CTNNA3: variants seen among roughly 807,000 people sequenced by gnomAD.
CTNNA3 encodes the protein catenin alpha 3.
In CTNNA3, 76 loss-of-function variants were observed where a neutral mutation model predicts 95.7. That is an observed-to-expected ratio of 0.79 (90% CI 0.66 to 0.96). CTNNA3 has a LOEUF of 0.96. Ranked by LOEUF, CTNNA3 falls within the 40% of genes least tolerant of loss-of-function variation. The pLI is 0.00. For synonymous variants in CTNNA3, 431 were observed against 374.4 expected (o/e 1.15, Z -1.74); for missense variants, 1,191 against 1,089.8 (o/e 1.09, Z -1.31).
intron 7 of CTNNA3, among the ~76,000 whole-genome samples, chr10:66,932,154 C>A (rs1847437614): frequency 6.6e-6 from 1 of 152,112 alleles, no homozygotes; most frequent in South Asian, 2.1e-4. Flanking sequence ...ATTAGGCTCT[C>A]TGACAATGAT....
intron 5 of CTNNA3, among the ~76,000 whole-genome samples, chr10:67,406,290 A>G (rs1845136515): frequency 6.6e-6 from 1 of 152,182 alleles, no homozygotes. Flanking sequence ...TTAATACCCC[A>G]CAAAATTACA....
Position 66,315,506 on chromosome 10 carries a change from TTGTGTGTGTG to T in CTNNA3, c.1733-34895_1733-34886del, listed in dbSNP as rs58802869. On this transcript the variant is annotated intron_variant, in intron 12 of 17. Coordinates refer to ENST00000433211, the MANE Select transcript of CTNNA3 (RefSeq NM_013266.4). The stretch of plus-strand genomic sequence containing the variant: ...AGGGGCTCTAAAAATCTGACTTCTC[TTGTGTGTGTG>T]TGTGTGTGTGTGTGTAAATAAGTGC... 3.2e-3 allele frequency among the ~76,000 whole-genome samples: 485 copies of T among 149,794 alleles called. 2 individuals are homozygous for T. Among genetic ancestry groups the T allele is most frequent in the African/African-American group, 0.011 (467 of 40,900 alleles).
At chr10:67,145,869 T>C (rs909175675) in intron 7 of CTNNA3, among the ~76,000 whole-genome samples, 3 of 152,230 alleles carry the variant, frequency 2.0e-5, no homozygotes, top group African/African-American at 7.2e-5. Context: ...ATCTCTAATA[T>C]TTATTTGCAG....
At chr10:66,844,894 T>G (rs898128408) in intron 7 of CTNNA3, among the ~76,000 whole-genome samples, 1 of 152,162 alleles carries the variant, frequency 6.6e-6, no homozygotes, top group South Asian at 2.1e-4. Flanking sequence ...CTAATTGATA[T>G]ATTTCATTTA....
intron 15 of CTNNA3, among the ~76,000 whole-genome samples, chr10:66,048,624 G>A (rs2079881337): frequency 6.6e-6 from 1 of 152,132 alleles, no homozygotes; most frequent in Non-Finnish European, 1.5e-5. Context: ...AGCCAGGCGT[G>A]CTGGTGGGTG....
intron 15 of CTNNA3, among the ~76,000 whole-genome samples, chr10:66,057,532 G>A (rs1225816247): frequency 2.0e-5 from 3 of 152,072 alleles, no homozygotes; most frequent in African/African-American, 4.8e-5. Flanking sequence ...TCATGTAAAA[G>A]TAACTGACAG....
Position 66,866,417 on chromosome 10 carries a change from T to A in CTNNA3, c.1048-90893A>T, listed in dbSNP as rs1299713324. On this transcript the variant is annotated intron_variant, in intron 7 of 17. Coordinates refer to ENST00000433211, the MANE Select transcript of CTNNA3 (RefSeq NM_013266.4). ...TACGCATCATCATAATTGCTCAACA[T>A]CTAGCTTTTTGGAGGCTTTTATTTT... 3.9e-5 allele frequency among the ~76,000 whole-genome samples: 6 copies of A among 152,354 alleles called. No individual in the cohort carries two copies. The East Asian group carries it at 7.7e-4, about 20-fold the overall frequency.
At chr10:66,813,973 A>G (rs1307306636) in intron 7 of CTNNA3, among the ~76,000 whole-genome samples, 1 of 152,114 alleles carries the variant, frequency 6.6e-6, no homozygotes, top group East Asian at 1.9e-4. Flanking sequence ...CGGCAGTGAC[A>G]TTGGAGACAA....
intron 1 of CTNNA3, among the ~76,000 whole-genome samples, chr10:67,652,786 TAA>T (rs1839914669): frequency 6.6e-6 from 1 of 152,236 alleles, no homozygotes; most frequent in Admixed American, 6.5e-5. Context: ...AGATGTATCA[TAA>T]GTCATCTATT....
At chr10:65,970,280 C>A (rs1221500471) in intron 16 of CTNNA3, among the ~76,000 whole-genome samples, 1 of 152,016 alleles carries the variant, frequency 6.6e-6, no homozygotes, top group Non-Finnish European at 1.5e-5. Flanking sequence ...TAAGAGAATT[C>A]TAAACATGGG....
intron 9 of CTNNA3, among the ~76,000 whole-genome samples, chr10:66,683,652 G>T (rs541448724): frequency 1.5e-5 from 2 of 132,892 alleles, no homozygotes; most frequent in South Asian, 4.8e-4. Context: ...AATGCTCAAA[G>T]CTTTAATACT....
At chr10:66,733,119 T>C (rs1033232946) in intron 9 of CTNNA3, among the ~76,000 whole-genome samples, 1 of 152,122 alleles carries the variant, frequency 6.6e-6, no homozygotes, top group Non-Finnish European at 1.5e-5. Context: ...TTAAAATATA[T>C]TCTCCTTTAT....
At chr10:66,331,931 T>C (rs1478760394) in intron 12 of CTNNA3, among the ~76,000 whole-genome samples, 1 of 152,092 alleles carries the variant, frequency 6.6e-6, no homozygotes, top group African/African-American at 2.4e-5. Flanking sequence ...TTCCTACCCA[T>C]GAGCATGGAA....
In CTNNA3 at chr10:66,920,325, G is replaced by C. The variant is rs558580765; in HGVS notation, c.1048-144801C>G. Reference sequence around the variant, plus strand: ...GCAGATGAGCAAACTGAGACCCAAAGAAGTTTGCACAGAATCAGTTCCAAA... The same window carrying C: ...GCAGATGAGCAAACTGAGACCCAAACAAGTTTGCACAGAATCAGTTCCAAA... On this transcript the variant is annotated intron_variant, in intron 7 of 17. Coordinates refer to ENST00000433211, the MANE Select transcript of CTNNA3 (RefSeq NM_013266.4). Among the ~76,000 whole-genome samples the C allele has an allele frequency of 1.8e-4, 27 of 152,324 alleles. 1 individual carries two copies. The South Asian group carries it at 5.4e-3, about 30-fold the overall frequency.
chr10:66,856,276 T>C (rs1448497660), intron 7 of CTNNA3, among the ~76,000 whole-genome samples: 1 of 152,112 alleles, frequency 6.6e-6, no homozygotes. Context: ...CTGCATAGTA[T>C]TCCATGTTGT....
intron 11 of CTNNA3, among the ~76,000 whole-genome samples, chr10:66,515,345 C>CTCTCTCTCTAAA (rs558913767): frequency 6.7e-6 from 1 of 148,894 alleles, no homozygotes; most frequent in African/African-American, 2.5e-5. Flanking sequence ...CTCTCTCTCT[C>CTCTCTCTCTAAA]TATATATATA....
At chr10:66,416,029 A>C (rs1352030138) in intron 11 of CTNNA3, among the ~76,000 whole-genome samples, 1 of 152,214 alleles carries the variant, frequency 6.6e-6, no homozygotes, top group African/African-American at 2.4e-5. Context: ...TCAGTGAGAT[A>C]TAAGAGAATT....
At chr10:67,278,956 C>T (rs1839290462) in intron 5 of CTNNA3, among the ~76,000 whole-genome samples, 2 of 152,098 alleles carry the variant, frequency 1.3e-5, no homozygotes, top group Non-Finnish European at 2.9e-5. Context: ...AAGATAAAAT[C>T]AGATCTCAGT....
At chr10:67,204,561 C>CAAGA (rs1476458614) in intron 6 of CTNNA3, among the ~76,000 whole-genome samples, 1 of 152,106 alleles carries the variant, frequency 6.6e-6, no homozygotes, top group Admixed American at 6.6e-5. Flanking sequence ...CATAGCAGTG[C>CAAGA]AAGAACAGAC....
Sources: allele counts gnomAD v4.1 joint callset (sites outside exome capture counted in the v4.1 genomes callset), GRCh38; gene constraint gnomAD v4.1.1; transcripts MANE v1.5; gene names NCBI Gene and HGNC (gene_info 2026-07-23, HGNC 2026-07-21).